The following SHANK2 variants were observed in gnomAD, a reference collection of about 807,000 sequenced individuals.
SHANK2 encodes SH3 and multiple ankyrin repeat domains protein 2.
Under a neutral mutation model 133.7 loss-of-function variants are expected in SHANK2, and 43 were observed. The observed-to-expected ratio is 0.32, with a 90% confidence interval of 0.25 to 0.41. The LOEUF is 0.41. SHANK2 is among the 10% of genes least tolerant of loss of function. The pLI is 1.00. For missense variants in SHANK2, 1,994 were observed against 2,235.8 expected, an observed-to-expected ratio of 0.89 and a Z score of 2.18; for synonymous variants, 1,017 against 952.8, an observed-to-expected ratio of 1.07 and a Z score of -1.24.
chr11:70,546,993 G>A (rs1424990197), intron 17 of SHANK2, among the ~76,000 whole-genome samples: 7 of 152,072 alleles, frequency 4.6e-5, no homozygotes, highest in Non-Finnish European at 8.8e-5. Context: ...TGATCAGGCC[G>A]CTCACCTCCC....
At chr11:71,073,142 C>CTTTTTTTTTTTTTTTTTTTTTTTTTT (rs1951165821) in intron 9 of SHANK2, among the ~76,000 whole-genome samples, 1 of 41,092 alleles carries the variant, frequency 2.4e-5, no homozygotes, top group Non-Finnish European at 9.0e-5. Flanking sequence ...TTTTCTTTTT[C>CTTTTTTTTTTTTTTTTTTTTTTTTTT]TTTTCTTTTT....
intron 17 of SHANK2, among the ~76,000 whole-genome samples, chr11:70,658,302 CACACAG>C (rs1555012295): frequency 2.5e-5 from 3 of 121,058 alleles, no homozygotes; most frequent in Non-Finnish European, 3.5e-5. Flanking sequence ...CACACACACA[CACACAG>C]ACACACACAC....
intron 14 of SHANK2, among the ~76,000 whole-genome samples, chr11:70,758,611 G>A (rs1238403098): frequency 5.3e-5 from 8 of 152,190 alleles, no homozygotes; most frequent in Admixed American, 4.6e-4. Context: ...GGAACAAGAG[G>A]CTTGCCACCA....
At chr11:70,582,597 C>G (rs1225189892) in intron 17 of SHANK2, among the ~76,000 whole-genome samples, 2 of 152,218 alleles carry the variant, frequency 1.3e-5, no homozygotes, top group Non-Finnish European at 2.9e-5. Context: ...CTGAGGGTGG[C>G]CCTGGAGCGA....
rs1408012525 is a variant in SHANK2 at position 70,782,257 on chromosome 11, A to T, written c.1777+16186T>A. On this transcript the variant is annotated intron_variant, in intron 14 of 25. Coordinates refer to ENST00000601538, the MANE Select transcript of SHANK2 (RefSeq NM_012309.5). ...TTTTTAATAGAGACAAGATTTTGCCATGTTGGCCAGGCTGGTCTTAAATTC... is the reference window on the plus strand; with the variant it reads ...TTTTTAATAGAGACAAGATTTTGCCTTGTTGGCCAGGCTGGTCTTAAATTC... Among the ~76,000 whole-genome samples the T allele has an allele frequency of 2.6e-5, 4 of 152,320 alleles. No homozygotes were observed. In the East Asian group the frequency reaches 7.7e-4, roughly 29 times the overall value.
At position 70,941,233 on chromosome 11, in the gene SHANK2, C is replaced by G. The variant is rs80083795; in HGVS notation, c.1108-44666G>C. 6.5e-4 allele frequency among the ~76,000 whole-genome samples: 99 copies of G among 152,298 alleles called. No individual in the cohort carries two copies. In the East Asian group the frequency reaches 0.016, roughly 25 times the overall value. ...TACACGTAGTCCTCTCTCCCCTCCC[C>G]TGAGTTCTATCTATTCATGAACTAG... On this transcript the variant is annotated intron_variant, in intron 10 of 25. Coordinates refer to ENST00000601538, the MANE Select transcript of SHANK2 (RefSeq NM_012309.5).
In SHANK2 at chr11:70,487,221, C is replaced by T; in HGVS notation, c.3072G>A (p.Glu1024=). ...TCGGGATAGGGATGGAGCACGTCTT[C>T]TCGGGGCTGTCCTCCACGTTGGACT... ...VKQSNVEDSP[E]KTCSIPIPTI... Residue 1024 remains glutamate, a synonymous_variant, in exon 25 of 26, where the codon GAG becomes GAA. Transcript: ENST00000601538. This position sits in a 1 kb window ranked among gnomAD's most constrained non-coding sequence, Gnocchi z 5.8. The T allele has an allele frequency of 6.2e-7, 1 of 1,614,110 alleles. No homozygotes were observed. Among genetic ancestry groups the T allele is most frequent in the Admixed American group, 1.7e-5 (1 of 60,028 alleles).
chr11:70,662,399 C>A (rs779309176), intron 15 of SHANK2, among the ~76,000 whole-genome samples: 158 of 152,318 alleles, frequency 1.0e-3, no homozygotes, highest in Non-Finnish European at 1.7e-3. Context: ...CGAGCATCCG[C>A]AGGCTGGGCT....
At chr11:71,076,387 A>C (rs1951219822) in intron 8 of SHANK2, among the ~76,000 whole-genome samples, 5 of 151,974 alleles carry the variant, frequency 3.3e-5, no homozygotes, top group African/African-American at 9.7e-5. Context: ...GGTGAATTTC[A>C]CCTTCTCAGG....
chr11:71,181,525 G>T (rs1266779665), intron 2 of SHANK2, among the ~76,000 whole-genome samples: 1 of 152,126 alleles, frequency 6.6e-6, no homozygotes, highest in Non-Finnish European at 1.5e-5. Flanking sequence ...GATCTCAGAA[G>T]AATGAAGCCA....
chr11:70,877,932 A>C (rs954979328), intron 11 of SHANK2, among the ~76,000 whole-genome samples: 6 of 152,244 alleles, frequency 3.9e-5, no homozygotes, highest in Non-Finnish European at 7.3e-5. Context: ...CAGGTGGCAG[A>C]AGCCATATTG....
chr11:70,759,010 T>C (rs1466687882), intron 14 of SHANK2, among the ~76,000 whole-genome samples: 2 of 151,402 alleles, frequency 1.3e-5, no homozygotes, highest in African/African-American at 4.9e-5. Flanking sequence ...AATACAAAAA[T>C]TAGCCAGGCG....
At chr11:71,072,861 A>G (rs1404046414) in intron 9 of SHANK2, among the ~76,000 whole-genome samples, 2 of 152,084 alleles carry the variant, frequency 1.3e-5, no homozygotes, top group Non-Finnish European at 2.9e-5. Flanking sequence ...ATCTACAGAC[A>G]CAGAAAGTGA....
intron 17 of SHANK2, among the ~76,000 whole-genome samples, chr11:70,544,613 C>T (rs994141686): frequency 3.3e-5 from 5 of 152,216 alleles, no homozygotes; most frequent in Admixed American, 2.6e-4. Flanking sequence ...CATCCCATCC[C>T]AACACCCCCT....
chr11:70,935,869 C>A (rs1950564143), intron 10 of SHANK2, among the ~76,000 whole-genome samples: 1 of 152,144 alleles, frequency 6.6e-6, no homozygotes, highest in African/African-American at 2.4e-5. Flanking sequence ...TCTTACACCG[C>A]CCCCGCAAAG....
intron 3 of SHANK2, among the ~76,000 whole-genome samples, chr11:71,124,188 GTGATGGTGATGATGGTGGTGATGA>G (rs1952134007): frequency 1.1e-5 from 1 of 90,372 alleles, no homozygotes; most frequent in Non-Finnish European, 2.1e-5. Flanking sequence ...GGTGATGATG[GTGATGGTGATGATGGTGGTGATGA>G]TGATGGTGAC....
intron 4 of SHANK2, among the ~76,000 whole-genome samples, chr11:71,115,462 C>T (rs1267545481): frequency 2.0e-5 from 3 of 152,272 alleles, no homozygotes; most frequent in South Asian, 2.1e-4. Flanking sequence ...GAGCGAGACT[C>T]GGTCTCAAAA....
intron 17 of SHANK2, among the ~76,000 whole-genome samples, chr11:70,649,025 T>C (rs1331412773): frequency 6.6e-6 from 1 of 152,178 alleles, no homozygotes; most frequent in Non-Finnish European, 1.5e-5. Context: ...TGGGCAAGTG[T>C]CTGGGGACAG....
At chr11:70,938,918 G>C (rs782757799) in intron 10 of SHANK2, among the ~76,000 whole-genome samples, 59 of 152,142 alleles carry the variant, frequency 3.9e-4, no homozygotes, top group Non-Finnish European at 4.1e-4. Context: ...ACGACCCCAT[G>C]TGTAATCTAG....
Sources: gnomAD v4.1 joint callset for allele counts (sites outside exome capture counted in the v4.1 genomes callset) on GRCh38, gnomAD v4.1.1 for gene constraint, Gnocchi (gnomAD v3.1) non-coding constraint, MANE v1.5 for transcripts, NCBI Gene and HGNC (gene_info 2026-07-23, HGNC 2026-07-21) for gene names.